Variants in IL12RB2 observed in about 807,000 individuals in gnomAD.
IL12RB2 encodes the protein interleukin-12 receptor subunit beta-2.
A neutral mutation model predicts 89.4 loss-of-function variants in IL12RB2; 82 were observed. That is an observed-to-expected ratio of 0.92 (90% confidence interval 0.77 to 1.10). The LOEUF is 1.10. Ranked by LOEUF, IL12RB2 falls within the 50% of genes least tolerant of loss-of-function variation. The pLI is 0.00. For missense variants in IL12RB2, 963 were observed against 1,031.9 expected, an observed-to-expected ratio of 0.93 and a Z score of 0.92; for synonymous variants, 368 against 370.1, an observed-to-expected ratio of 0.99 and a Z score of 0.07.
At chr1:67,378,848 CAAAAAAAA>C (rs56260019) in intron 13 of IL12RB2, among the ~76,000 whole-genome samples, 11 of 91,914 alleles carry the variant, frequency 1.2e-4, no homozygotes, top group Non-Finnish European at 8.0e-5. Flanking sequence ...AGACTCTTCT[CAAAAAAAA>C]AAAAAAAAAA....
At chr1:67,320,572 T>G (rs1312665427) in intron 3 of IL12RB2, 128 bp downstream of exon 3, 1 of 1,503,144 alleles carries the variant, frequency 6.7e-7, no homozygotes, top group African/African-American at 1.4e-5. Context: ...GTCATTTAAG[T>G]GGATAAGTCT....
At position 67,397,866 on chromosome 1, in the gene IL12RB2, T is replaced by C. The variant is rs148249386; in HGVS notation, c.*1777T>C. ...AGTACTTGTTGTAAATGTGTACTTC[T>C]TGCCTAACGTGAGGAACTAAAAACT... On this transcript the variant is annotated 3_prime_UTR_variant, in exon 17 of 17. Transcript: ENST00000674203. 5.9e-5 allele frequency among the ~76,000 whole-genome samples: 9 copies of C among 152,270 alleles called. No homozygotes were observed. Among genetic ancestry groups the C allele is most frequent in the Middle Eastern group, 3.4e-3 (1 of 294 alleles).
intron 1 of IL12RB2, among the ~76,000 whole-genome samples, chr1:67,310,221 A>G (rs968816090): frequency 5.9e-5 from 9 of 151,300 alleles, no homozygotes; most frequent in Admixed American, 5.9e-4. Flanking sequence ...CCAAATCCCA[A>G]AGGAAGTCTT....
intron 3 of IL12RB2, 143 bp from the exon 4 acceptor site, chr1:67,321,459 T>C: frequency 1.4e-6 from 1 of 695,622 alleles, no homozygotes; most frequent in Non-Finnish European, 2.6e-6. Context: ...ACATCACCAT[T>C]ATAACCAGAG....
chr1:67,325,515 G>A (rs1657166355), intron 4 of IL12RB2, among the ~76,000 whole-genome samples: 1 of 152,200 alleles, frequency 6.6e-6, no homozygotes, highest in Non-Finnish European at 1.5e-5. Context: ...GCCCACCTCA[G>A]CCTCCCAAAT....
In IL12RB2 at chr1:67,341,529, GAGAAAGAAAGAAAGAAAGAAAGAA is replaced by G. The variant is rs200463047; in HGVS notation, c.1038+2860_1038+2883del. Among the ~76,000 whole-genome samples the G allele has an allele frequency of 7.0e-4, 77 of 110,562 alleles. 6 individuals carry two copies. Among genetic ancestry groups the G allele is most frequent in the African/African-American group, 1.1e-3 (35 of 31,186 alleles). The allele number at this position is 110,562 out of a possible 152,430, so 72.5% of individuals were successfully genotyped here. Reference sequence around the variant, plus strand: ...AAGAAAGAAGGAAAGAAAAAAGAAAGAGAAAGAAAGAAAGAAAGAAAGAAAGAAAGAAAGAAAGAAAGAAAGAAA... The same window carrying G: ...AAGAAAGAAGGAAAGAAAAAAGAAAGAGAAAGAAAGAAAGAAAGAAAGAAA... On this transcript the variant is annotated intron_variant, in intron 9 of 16. Transcript: ENST00000674203.
At chr1:67,370,546 C>T (rs1311472649) in intron 11 of IL12RB2, among the ~76,000 whole-genome samples, 1 of 152,178 alleles carries the variant, frequency 6.6e-6, no homozygotes, top group Non-Finnish European at 1.5e-5. Flanking sequence ...TGCAGAAAAA[C>T]CACCTAAGTG....
chr1:67,367,235 A>T (rs1368456025), intron 10 of IL12RB2, among the ~76,000 whole-genome samples: 2 of 110,904 alleles, frequency 1.8e-5, no homozygotes, highest in Non-Finnish European at 3.4e-5. Context: ...TCTGTCTAAT[A>T]AAAAAAAAAA....
At chr1:67,332,335 C>T (rs1658202951) in intron 8 of IL12RB2, among the ~76,000 whole-genome samples, 1 of 151,902 alleles carries the variant, frequency 6.6e-6, no homozygotes, top group Non-Finnish European at 1.5e-5. Context: ...CCTGCCTCAG[C>T]CTCCCAAGTA....
intron 16 of IL12RB2, among the ~76,000 whole-genome samples, chr1:67,390,678 A>G (rs770474830): frequency 6.6e-6 from 1 of 152,064 alleles, no homozygotes; most frequent in Non-Finnish European, 1.5e-5. Flanking sequence ...GAGAGGGGAG[A>G]GTAAAGGAAG....
chr1:67,353,611 T>G (rs1661074607), intron 10 of IL12RB2, among the ~76,000 whole-genome samples: 1 of 152,128 alleles, frequency 6.6e-6, no homozygotes, highest in Non-Finnish European at 1.5e-5. Flanking sequence ...TGAGCACGTA[T>G]TTTTTGAAGG....
intron 9 of IL12RB2, among the ~76,000 whole-genome samples, chr1:67,346,384 T>TC (rs1280127211): frequency 4.8e-5 from 1 of 20,790 alleles, no homozygotes; most frequent in African/African-American, 6.1e-5. Flanking sequence ...GTCTATTTTT[T>TC]TTTTTTTTTT....
chr1:67,350,775 T>C, intron 9 of IL12RB2, 95 bp from the exon 10 acceptor site: 2 of 1,564,318 alleles, frequency 1.3e-6, no homozygotes, highest in Non-Finnish European at 1.7e-6. Flanking sequence ...CACTCAGCTG[T>C]AGCTGCCTAG....
Position 67,380,132 on chromosome 1 carries a change from CA to C in IL12RB2, c.1855+10del, listed in dbSNP as rs1557468377. ...GGAATTTTGTCTGCAAGGTGAGAGGCAGTGTTAAGGATGATGAGTCCACCCT... is the reference window on the plus strand; with the variant it reads ...GGAATTTTGTCTGCAAGGTGAGAGGCGTGTTAAGGATGATGAGTCCACCCT... On this transcript the variant is annotated intron_variant, in intron 14 of 16. Coordinates refer to ENST00000674203, the MANE Select transcript of IL12RB2 (RefSeq NM_001374259.2). 6.2e-7 allele frequency: 1 copy of C among 1,613,954 alleles called. No individual in the cohort carries two copies. The highest frequency in any genetic ancestry group is 1.1e-5 in the South Asian group (1 of 91,078).
chr1:67,371,194 G>A (rs768874343), intron 11 of IL12RB2, among the ~76,000 whole-genome samples: 35 of 152,134 alleles, frequency 2.3e-4, no homozygotes, highest in Non-Finnish European at 4.6e-4. Context: ...ACCATACTAA[G>A]CTGACTGTGT....
At chr1:67,391,360 TG>T (rs1665797464) in intron 16 of IL12RB2, among the ~76,000 whole-genome samples, 2 of 136,804 alleles carry the variant, frequency 1.5e-5, no homozygotes, top group African/African-American at 3.0e-5. Context: ...AACAGCAGTG[TG>T]TGTGTGTGTG....
At chr1:67,340,242 A>G (rs1487381064) in intron 9 of IL12RB2, among the ~76,000 whole-genome samples, 1 of 152,150 alleles carries the variant, frequency 6.6e-6, no homozygotes, top group Non-Finnish European at 1.5e-5. Context: ...TGAAACTAAC[A>G]CTGCAGCTCA....
intron 15 of IL12RB2, among the ~76,000 whole-genome samples, chr1:67,389,406 T>G (rs922787745): frequency 6.6e-6 from 1 of 152,220 alleles, no homozygotes; most frequent in Non-Finnish European, 1.5e-5. Flanking sequence ...TTCATGAACT[T>G]TAAAAAAAAT....
Position 67,395,603 on chromosome 1 carries a change from T to A in IL12RB2, c.2103T>A (p.Asp701Glu). ...TGATAGACTGGCCCACGCCTGAAGA[T>A]CCTGAACCGCTGGTCATCAGTGAAG... ...RLLIDWPTPE[D>E]PEPLVISEVL... Residue 701 changes from aspartate (D) to glutamate (E), a missense_variant, in exon 17 of 17, where the codon GAT becomes GAA. Transcript: ENST00000674203. The A allele has an allele frequency of 1.9e-6, 3 of 1,614,184 alleles. No individual in the cohort carries two copies. Among genetic ancestry groups the A allele is most frequent in the Non-Finnish European group, 2.5e-6 (3 of 1,180,038 alleles).
Sources: allele counts gnomAD v4.1 joint callset (sites outside exome capture counted in the v4.1 genomes callset), GRCh38; gene constraint gnomAD v4.1.1; transcripts MANE v1.5; gene names NCBI Gene and HGNC (gene_info 2026-07-23, HGNC 2026-07-21).